INPP4B: variants seen among roughly 807,000 people sequenced by gnomAD.
INPP4B encodes the protein inositol polyphosphate 4-phosphatase type II.
INPP4B carries 55 observed loss-of-function variants against 122.5 expected under a neutral mutation model. That is an observed-to-expected ratio of 0.45 (90% CI 0.36 to 0.56). The LOEUF is 0.56. INPP4B is among the 20% of genes least tolerant of loss of function. The pLI is 0.00. For synonymous variants in INPP4B, 403 were observed against 388.7 expected, an observed-to-expected ratio of 1.04 and a Z score of -0.43; for missense variants, 1,000 against 1,097.7, an observed-to-expected ratio of 0.91 and a Z score of 1.26.
chr4:142,477,277 C>A (rs966889498), intron 2 of INPP4B, among the ~76,000 whole-genome samples: 1 of 152,018 alleles, frequency 6.6e-6, no homozygotes, highest in Non-Finnish European at 1.5e-5. Context: ...CTATCAGAAT[C>A]TCTGGGACAC....
At chr4:142,781,030 A>T (rs1304050034) in intron 1 of INPP4B, among the ~76,000 whole-genome samples, 1 of 152,204 alleles carries the variant, frequency 6.6e-6, no homozygotes, top group African/African-American at 2.4e-5. Context: ...TTTGTGAGCT[A>T]AAAAGTGCTA....
chr4:142,763,288 G>A (rs1357701503), intron 1 of INPP4B, among the ~76,000 whole-genome samples: 1 of 152,106 alleles, frequency 6.6e-6, no homozygotes, highest in Non-Finnish European at 1.5e-5. Flanking sequence ...ATGCTAACTT[G>A]TTAACACTAA....
intron 23 of INPP4B, among the ~76,000 whole-genome samples, chr4:142,089,437 CCACACACACACACACACACACA>C (rs36203495): frequency 7.1e-6 from 1 of 141,512 alleles, no homozygotes; most frequent in African/African-American, 2.7e-5. Flanking sequence ...GATGTTCTCA[CCACACACACACACACACACACA>C]CACACACACA....
intron 2 of INPP4B, among the ~76,000 whole-genome samples, chr4:142,653,663 C>A (rs1753506314): frequency 6.6e-6 from 1 of 152,154 alleles, no homozygotes; most frequent in South Asian, 2.1e-4. Flanking sequence ...ATCAAAACCA[C>A]AATGAGATAC....
intron 1 of INPP4B, among the ~76,000 whole-genome samples, chr4:142,729,980 C>T (rs113343566): frequency 7.3e-6 from 1 of 137,618 alleles, no homozygotes. Flanking sequence ...CTCCACTAAA[C>T]CTCAAAACTT....
At chr4:142,771,226 A>T (rs768221873) in intron 1 of INPP4B, among the ~76,000 whole-genome samples, 4 of 152,172 alleles carry the variant, frequency 2.6e-5, no homozygotes, top group Admixed American at 2.6e-4. Flanking sequence ...ACCATACCAC[A>T]TGAACAAAGA....
intron 7 of INPP4B, among the ~76,000 whole-genome samples, chr4:142,384,773 T>C (rs890629502): frequency 4.6e-5 from 7 of 152,170 alleles, no homozygotes; most frequent in African/African-American, 1.7e-4. Context: ...CAGATTACTT[T>C]GTCACCCAGG....
At chr4:142,768,738 A>G (rs976824375) in intron 1 of INPP4B, among the ~76,000 whole-genome samples, 3 of 152,334 alleles carry the variant, frequency 2.0e-5, no homozygotes, top group African/African-American at 4.8e-5. Flanking sequence ...CTTTTAGAGA[A>G]CAGCCAGGGG....
intron 12 of INPP4B, among the ~76,000 whole-genome samples, chr4:142,237,204 A>G (rs575147774): frequency 1.3e-5 from 2 of 152,282 alleles, no homozygotes; most frequent in South Asian, 4.1e-4. Flanking sequence ...AAGTCTCGCT[A>G]CAAATGAGAA....
intron 7 of INPP4B, among the ~76,000 whole-genome samples, chr4:142,336,631 T>C (rs1194763401): frequency 2.0e-5 from 3 of 152,228 alleles, no homozygotes; most frequent in African/African-American, 7.2e-5. Flanking sequence ...CTCTTGAGTT[T>C]TGGGCATGGC....
intron 18 of INPP4B, among the ~76,000 whole-genome samples, chr4:142,126,489 A>T (rs1173852364): frequency 6.6e-6 from 1 of 152,152 alleles, no homozygotes; most frequent in Non-Finnish European, 1.5e-5. Flanking sequence ...AAAAAGATAC[A>T]TTCTTAGTAA....
At chr4:142,257,741 T>C (rs1737105475) in intron 11 of INPP4B, among the ~76,000 whole-genome samples, 1 of 152,188 alleles carries the variant, frequency 6.6e-6, no homozygotes, top group Admixed American at 6.5e-5. Context: ...TGCTCATGGG[T>C]AGGATGAATC....
intron 2 of INPP4B, among the ~76,000 whole-genome samples, chr4:142,601,108 C>G (rs1367512243): frequency 6.6e-6 from 1 of 151,998 alleles, no homozygotes; most frequent in Non-Finnish European, 1.5e-5. Flanking sequence ...GGGTGAATTT[C>G]CACATCATAC....
chr4:142,806,218 G>T (rs1027421553), intron 1 of INPP4B, among the ~76,000 whole-genome samples: 10 of 140,636 alleles, frequency 7.1e-5, no homozygotes, highest in Non-Finnish European at 1.4e-4. Context: ...GGCGGAGCTT[G>T]CAGTGAGCCG....
chr4:142,434,031 T>G (rs2149391309), intron 3 of INPP4B, among the ~76,000 whole-genome samples: 1 of 152,324 alleles, frequency 6.6e-6, no homozygotes, highest in South Asian at 2.1e-4. Flanking sequence ...GGGCAATCAC[T>G]TTGCAAATAT....
chr4:142,823,920 C>A (rs548996126), intron 1 of INPP4B, among the ~76,000 whole-genome samples: 113 of 152,242 alleles, frequency 7.4e-4, no homozygotes, highest in Non-Finnish European at 1.3e-3. Flanking sequence ...GAGATTAGCA[C>A]TGAATTACTA....
chr4:142,486,776 G>A (rs1223598879), intron 2 of INPP4B, among the ~76,000 whole-genome samples: 1 of 152,122 alleles, frequency 6.6e-6, no homozygotes, highest in Non-Finnish European at 1.5e-5. Flanking sequence ...TATCTAGTGA[G>A]AATAAAAGCT....
At chr4:142,620,582 G>A (rs79658842) in intron 2 of INPP4B, among the ~76,000 whole-genome samples, 2,051 of 151,928 alleles carry the variant, frequency 0.013, 37 homozygotes, top group African/African-American at 0.039. Context: ...TGATGAAATA[G>A]TATGTACAAC....
chr4:142,269,350 C>T (rs967835545), intron 10 of INPP4B, among the ~76,000 whole-genome samples: 2 of 151,912 alleles, frequency 1.3e-5, no homozygotes, highest in African/African-American at 2.4e-5. Context: ...TTTTACATAT[C>T]GGAGTCCTCA....
Sources: gnomAD v4.1 joint callset for allele counts (sites outside exome capture counted in the v4.1 genomes callset) on GRCh38, gnomAD v4.1.1 for gene constraint, MANE v1.5 for transcripts, NCBI Gene and HGNC (gene_info 2026-07-23, HGNC 2026-07-21) for gene names.